ITPR2: variants seen among roughly 807,000 people sequenced by gnomAD.
ITPR2 encodes the protein inositol 1,4,5-trisphosphate-gated calcium channel ITPR2.
ITPR2 carries 207 observed loss-of-function variants against 317.1 expected under a neutral mutation model. The ratio of observed to expected loss-of-function variants is 0.65; its 90% confidence interval spans 0.58 to 0.73. ITPR2 has a LOEUF of 0.73. Among genes scored for constraint, ITPR2 ranks in the 30% least tolerant of loss-of-function variants. The pLI, the probability that ITPR2 is intolerant of heterozygous loss-of-function variation, is 0.00. For missense variants in ITPR2, 2,613 were observed against 3,284.0 expected (o/e 0.80, Z 4.99); for synonymous variants, 1,156 against 1,149.1 (o/e 1.01, Z -0.12).
intron 50 of ITPR2, among the ~76,000 whole-genome samples, chr12:26,416,740 A>T (rs1043385526): frequency 6.6e-6 from 1 of 152,226 alleles, no homozygotes; most frequent in African/African-American, 2.4e-5. Context: ...AGTACAGACA[A>T]ATTAACTAAT....
chr12:26,567,952 A>AC (rs1945021220), intron 34 of ITPR2, among the ~76,000 whole-genome samples: 1 of 5,992 alleles, frequency 1.7e-4, no homozygotes, highest in Non-Finnish European at 8.1e-4. Context: ...TATATATATT[A>AC]TATATATATA....
At chr12:26,402,216 G>A (rs1940200824) in intron 52 of ITPR2, among the ~76,000 whole-genome samples, 1 of 152,186 alleles carries the variant, frequency 6.6e-6, no homozygotes, top group Admixed American at 6.5e-5. Flanking sequence ...AGTCAGAAAT[G>A]TGTAAGAGAG....
intron 1 of ITPR2, among the ~76,000 whole-genome samples, chr12:26,812,948 C>A (rs960552289): frequency 6.6e-6 from 1 of 152,162 alleles, no homozygotes; most frequent in African/African-American, 2.4e-5. Context: ...TCATAACCAA[C>A]CAACGTCTTC....
chr12:26,541,773 A>T (rs930371402), intron 37 of ITPR2, among the ~76,000 whole-genome samples: 1 of 152,162 alleles, frequency 6.6e-6, no homozygotes. Flanking sequence ...TAATTATGAC[A>T]TTCTTTTTGT....
chr12:26,811,151 T>C (rs190140430), intron 1 of ITPR2, among the ~76,000 whole-genome samples: 5 of 152,094 alleles, frequency 3.3e-5, no homozygotes, highest in Admixed American at 3.3e-4. Flanking sequence ...AATGACTGCC[T>C]AAAACAAGAT....
chr12:26,748,010 C>T (rs1470154452), intron 2 of ITPR2, among the ~76,000 whole-genome samples: 1 of 152,120 alleles, frequency 6.6e-6, no homozygotes, highest in Non-Finnish European at 1.5e-5. Flanking sequence ...AACTTCAAAA[C>T]CCTGAAGAAA....
chr12:26,486,848 C>T, intron 40 of ITPR2: 1 of 674,932 alleles, frequency 1.5e-6, no homozygotes. Flanking sequence ...AAACATCTTT[C>T]ATGCCGTTGG....
chr12:26,393,597 T>C (rs1474262434), intron 54 of ITPR2, among the ~76,000 whole-genome samples: 1 of 152,260 alleles, frequency 6.6e-6, no homozygotes, highest in Admixed American at 6.5e-5. Context: ...ATATTCACGC[T>C]GAATTTGTTC....
intron 1 of ITPR2, among the ~76,000 whole-genome samples, chr12:26,812,805 G>C (rs1950779946): frequency 6.6e-6 from 1 of 152,218 alleles, no homozygotes. Flanking sequence ...GGACAGAACA[G>C]AATTCAGACC....
chr12:26,780,598 A>G (rs2137176805), intron 2 of ITPR2, among the ~76,000 whole-genome samples: 1 of 152,320 alleles, frequency 6.6e-6, no homozygotes, highest in South Asian at 2.1e-4. Flanking sequence ...AGTCACAATT[A>G]CAATGCCAAC....
rs374938680 is a variant in ITPR2 at position 26,425,807 on chromosome 12, A to G, written c.6945+2106T>C. ...AATAAAGGAGAGATGTTGCATATCT[A>G]CATGTATATTCTTTCTCATAAAGAA... is the stretch of plus-strand genomic sequence containing the variant. On this transcript the variant is annotated intron_variant, in intron 49 of 56. Transcript: ENST00000381340. 5.9e-5 allele frequency among the ~76,000 whole-genome samples: 9 copies of G among 152,350 alleles called. No individual in the cohort carries two copies. The South Asian group carries it at 1.9e-3, about 32-fold the overall frequency.
At chr12:26,621,067 A>G (rs1946481010) in intron 26 of ITPR2, 56 bp downstream of exon 26, 9 of 1,440,248 alleles carry the variant, frequency 6.2e-6, no homozygotes, top group South Asian at 3.9e-5. Flanking sequence ...ATGTGGTTAT[A>G]TATCTGACTT....
intron 13 of ITPR2, among the ~76,000 whole-genome samples, chr12:26,666,705 G>A (rs886109967): frequency 2.0e-5 from 3 of 152,094 alleles, no homozygotes; most frequent in South Asian, 2.1e-4. Context: ...TATCAAAATC[G>A]TGAAATTCTA....
intron 55 of ITPR2, among the ~76,000 whole-genome samples, chr12:26,385,644 T>C (rs1425461277): frequency 6.6e-6 from 1 of 152,178 alleles, no homozygotes; most frequent in African/African-American, 2.4e-5. Context: ...TCTCAGAGTT[T>C]CCCTATAAGT....
At chr12:26,721,337 T>A in intron 5 of ITPR2, 1 of 617,838 alleles carries the variant, frequency 1.6e-6, no homozygotes, top group Non-Finnish European at 3.0e-6. Flanking sequence ...TCCAGAAGCT[T>A]GCATCCTGTG....
intron 21 of ITPR2, among the ~76,000 whole-genome samples, chr12:26,644,294 G>T (rs1440726265): frequency 1.3e-5 from 2 of 152,128 alleles, no homozygotes; most frequent in Admixed American, 1.3e-4. Flanking sequence ...GCAAAGCTGT[G>T]GGGGAGTTGA....
In ITPR2 at chr12:26,339,433, G is replaced by A. The variant is rs200231413; in HGVS notation, c.8070C>T (p.Asn2690=). Residue 2690 remains asparagine (N), a synonymous_variant, in exon 57 of 57, where the codon AAC becomes AAT. Coordinates refer to ENST00000381340, the MANE Select transcript of ITPR2 (RefSeq NM_002223.4). The part of the protein sequence containing the change: ...NKQRLGFLGS[N]TPHVNHHMPP... ...GCATGTGATGATTCACATGGGGTGTGTTTGATCCGAGGAAGCCCAGTCTCT... is the reference window on the plus strand; with the variant it reads ...GCATGTGATGATTCACATGGGGTGTATTTGATCCGAGGAAGCCCAGTCTCT... 14 of 1,613,884 alleles carry A rather than the reference G, an allele frequency of 8.7e-6. No individual in the cohort carries two copies. In the Admixed American group the frequency reaches 2.3e-4, roughly 27 times the overall value.
At chr12:26,482,971 TA>T in intron 42 of ITPR2, among the ~76,000 whole-genome samples, 1 of 152,230 alleles carries the variant, frequency 6.6e-6, no homozygotes, top group Non-Finnish European at 1.5e-5. Flanking sequence ...CTTACGATGG[TA>T]GCTCCATGAT....
chr12:26,576,611 C>T (rs1228296675), intron 34 of ITPR2, among the ~76,000 whole-genome samples: 2 of 152,160 alleles, frequency 1.3e-5, no homozygotes, highest in African/African-American at 2.4e-5. Context: ...AGGAGGACTG[C>T]CTGCAGAGAA....
Sources: gnomAD v4.1 joint callset for allele counts (sites outside exome capture counted in the v4.1 genomes callset) on GRCh38, gnomAD v4.1.1 for gene constraint, MANE v1.5 for transcripts, NCBI Gene and HGNC (gene_info 2026-07-23, HGNC 2026-07-21) for gene names.